LRFN2: variants seen among roughly 807,000 people sequenced by gnomAD.
LRFN2 encodes the protein leucine rich repeat and fibronectin type III domain containing 2, also known as leucine-rich repeat and fibronectin type-III domain-containing protein 2.
Under a neutral mutation model 37.3 loss-of-function variants are expected in LRFN2, and 18 were observed. The observed-to-expected ratio is 0.48, with a 90% CI of 0.33 to 0.72. The LOEUF is 0.72. LRFN2 is among the 30% of genes least tolerant of loss of function. The pLI is 0.02. For synonymous variants in LRFN2, 556 were observed against 466.6 expected (o/e 1.19, Z -2.47); for missense variants, 1,006 against 1,060.7 (o/e 0.95, Z 0.72).
At chr6:40,473,832 A>T (rs1019764984) in intron 1 of LRFN2, among the ~76,000 whole-genome samples, 2 of 152,140 alleles carry the variant, frequency 1.3e-5, no homozygotes, top group African/African-American at 2.4e-5. Flanking sequence ...AGAACATATC[A>T]TCCCTATATT....
At chr6:40,581,275 C>T (rs1438237694) in intron 1 of LRFN2, among the ~76,000 whole-genome samples, 3 of 152,182 alleles carry the variant, frequency 2.0e-5, no homozygotes, top group Non-Finnish European at 4.4e-5. Flanking sequence ...TGCTCTGAGG[C>T]TGGATCATGG....
intron 1 of LRFN2, among the ~76,000 whole-genome samples, chr6:40,454,161 A>AT (rs1259448290): frequency 2.0e-5 from 3 of 152,152 alleles, no homozygotes; most frequent in African/African-American, 7.2e-5. Context: ...CTTTAATTTC[A>AT]TTTTTTCCCA....
chr6:40,515,235 G>A (rs1765828930), intron 1 of LRFN2, among the ~76,000 whole-genome samples: 1 of 152,194 alleles, frequency 6.6e-6, no homozygotes, highest in Non-Finnish European at 1.5e-5. Flanking sequence ...GAGGGAGGCT[G>A]GCAGGGGAAT....
At chr6:40,458,257 A>G (rs1764275816) in intron 1 of LRFN2, among the ~76,000 whole-genome samples, 2 of 152,262 alleles carry the variant, frequency 1.3e-5, no homozygotes, top group South Asian at 2.1e-4. Flanking sequence ...ACACGAATGT[A>G]TAAATTATGC....
At chr6:40,488,009 G>A (rs936619265) in intron 1 of LRFN2, among the ~76,000 whole-genome samples, 2 of 152,152 alleles carry the variant, frequency 1.3e-5, no homozygotes, top group Admixed American at 6.5e-5. Flanking sequence ...CCCAGTCACA[G>A]CAGCAGCCCC....
intron 2 of LRFN2, among the ~76,000 whole-genome samples, chr6:40,417,665 G>A (rs546608262): frequency 3.3e-5 from 5 of 152,116 alleles, no homozygotes; most frequent in African/African-American, 9.7e-5. Context: ...CTCCACTCAC[G>A]GCTATGAGTT....
chr6:40,486,538 G>A (rs1220216379), intron 1 of LRFN2, among the ~76,000 whole-genome samples: 1 of 152,130 alleles, frequency 6.6e-6, no homozygotes, highest in Non-Finnish European at 1.5e-5. Context: ...CCTGTGCCTG[G>A]GTAAGGAATG....
intron 1 of LRFN2, among the ~76,000 whole-genome samples, chr6:40,533,870 G>A (rs1273691777): frequency 1.3e-5 from 2 of 152,218 alleles, no homozygotes; most frequent in Non-Finnish European, 2.9e-5. Context: ...GGCTGGAGCA[G>A]CGTGGCATCA....
intron 1 of LRFN2, among the ~76,000 whole-genome samples, chr6:40,519,438 T>C (rs1035000915): frequency 2.0e-5 from 3 of 152,214 alleles, no homozygotes; most frequent in Non-Finnish European, 2.9e-5. Flanking sequence ...CCCCTTGACT[T>C]TGGATTTGAC....
At chr6:40,413,258 G>T (rs1313790148) in intron 2 of LRFN2, among the ~76,000 whole-genome samples, 1 of 152,140 alleles carries the variant, frequency 6.6e-6, no homozygotes, top group South Asian at 2.1e-4. Context: ...TAAGACTCAG[G>T]GTCAACAGCC....
rs1297238816 is a variant in LRFN2 at position 40,573,700 on chromosome 6, G to T, written c.-19+13241C>A. ...AACTTCAAAACTGAAAGTCCTGGCT[G>T]GGCACAGTGGCTCACGCCTGTAATC... On this transcript the variant is annotated intron_variant, in intron 1 of 2. Transcript: ENST00000338305. 2.0e-5 allele frequency among the ~76,000 whole-genome samples: 3 copies of T among 152,202 alleles called. No individual in the cohort carries two copies. The East Asian group carries it at 5.8e-4, about 29-fold the overall frequency.
intron 1 of LRFN2, among the ~76,000 whole-genome samples, chr6:40,496,394 G>T (rs1561879335): frequency 1.3e-5 from 2 of 152,108 alleles, no homozygotes; most frequent in Non-Finnish European, 2.9e-5. Flanking sequence ...CTGCACCAGG[G>T]GTAAAAGACA....
At chr6:40,545,645 G>C (rs916351070) in intron 1 of LRFN2, among the ~76,000 whole-genome samples, 7 of 152,030 alleles carry the variant, frequency 4.6e-5, no homozygotes, top group African/African-American at 1.5e-4. Context: ...AAGAGAGAGG[G>C]GAGAGGATAA....
At chr6:40,419,996 T>C (rs1421448470) in intron 2 of LRFN2, among the ~76,000 whole-genome samples, 3 of 152,314 alleles carry the variant, frequency 2.0e-5, no homozygotes, top group African/African-American at 7.2e-5. Flanking sequence ...GTTTAACAGA[T>C]CTCTTCCATG....
At chr6:40,407,615 G>C (rs1762875821) in intron 2 of LRFN2, among the ~76,000 whole-genome samples, 1 of 152,190 alleles carries the variant, frequency 6.6e-6, no homozygotes, top group Non-Finnish European at 1.5e-5. Context: ...TCATCACTTG[G>C]AGAAAAAATG....
chr6:40,465,465 G>T (rs916473675), intron 1 of LRFN2, among the ~76,000 whole-genome samples: 3 of 152,164 alleles, frequency 2.0e-5, no homozygotes, highest in African/African-American at 4.8e-5. Flanking sequence ...TTGGCTTCTT[G>T]CCCTTCCTGC....
At chr6:40,474,965 G>A (rs1004509163) in intron 1 of LRFN2, among the ~76,000 whole-genome samples, 4 of 152,152 alleles carry the variant, frequency 2.6e-5, no homozygotes, top group Non-Finnish European at 5.9e-5. Context: ...GGTCTTCAAG[G>A]ACAATGACCT....
chr6:40,451,597 C>T (rs967717822), intron 1 of LRFN2, among the ~76,000 whole-genome samples: 1 of 152,176 alleles, frequency 6.6e-6, no homozygotes, highest in Non-Finnish European at 1.5e-5. Flanking sequence ...GGCCACGCGG[C>T]CTGTGTTGGG....
intron 1 of LRFN2, among the ~76,000 whole-genome samples, chr6:40,484,421 G>T (rs372372508): frequency 4.6e-5 from 7 of 152,314 alleles, no homozygotes; most frequent in African/African-American, 1.7e-4. Context: ...GTCCCTCCTG[G>T]CAGCTTCTTC....
Sources: allele counts gnomAD v4.1 joint callset (sites outside exome capture counted in the v4.1 genomes callset), GRCh38; gene constraint gnomAD v4.1.1; transcripts MANE v1.5; gene names NCBI Gene and HGNC (gene_info 2026-07-23, HGNC 2026-07-21).